DNAH6: variants seen among roughly 807,000 people sequenced by gnomAD.
DNAH6 encodes the protein axonemal beta dynein heavy chain 6.
A neutral mutation model predicts 491.4 loss-of-function variants in DNAH6; 340 were observed. The ratio of observed to expected loss-of-function variants is 0.69; its 90% confidence interval spans 0.63 to 0.76. The LOEUF (loss-of-function observed/expected upper bound fraction) is 0.76, where lower values mean the gene tolerates loss of function less well. Among genes scored for constraint, DNAH6 ranks in the 30% least tolerant of loss-of-function variants. The pLI, the probability that DNAH6 is intolerant of heterozygous loss-of-function variation, is 0.00. For synonymous variants in DNAH6, 1,603 were observed against 1,686.1 expected (o/e 0.95, Z 1.21); for missense variants, 4,443 against 4,972.2 (o/e 0.89, Z 3.20).
At chr2:84,560,894 A>C (rs527373823) in intron 11 of DNAH6, among the ~76,000 whole-genome samples, 5 of 151,678 alleles carry the variant, frequency 3.3e-5, no homozygotes, top group Non-Finnish European at 5.9e-5. Flanking sequence ...AGTCTTCGCT[A>C]TTGTGAATAG....
At chr2:84,489,210 C>A in the DNAH6 span, among the ~76,000 whole-genome samples, 3 of 151,986 alleles carry the variant, frequency 2.0e-5, no homozygotes, top group Non-Finnish European at 4.4e-5. Flanking sequence ...TCTTTAGGGT[C>A]AACATCTAAT....
rs973895613 is a variant in DNAH6 at position 84,624,477 on chromosome 2, G to A, written c.4210G>A (p.Glu1404Lys). The change falls in exon 28 of 77, where the codon GAA becomes AAA. Residue 1404 changes from glutamate to lysine, a missense_variant. Physicochemically the swap from Glu to Lys is moderately conservative, Grantham distance 56. Transcript: ENST00000389394. ...ELVQSKVETV[E>K]SFDWQRQLRY... ...ATATCACATATAGGTGGAGACAGTT[G>A]AATCTTTTGACTGGCAGAGACAACT... 12 of 1,551,686 alleles carry A rather than the reference G, an allele frequency of 7.7e-6. No homozygotes were observed. Among genetic ancestry groups the A allele is most frequent in the Non-Finnish European group, 9.6e-6 (11 of 1,146,978 alleles).
intron 63 of DNAH6, among the ~76,000 whole-genome samples, chr2:84,758,896 C>T (rs1674304904): frequency 1.3e-5 from 2 of 152,174 alleles, no homozygotes; most frequent in African/African-American, 4.8e-5. Context: ...CAAGGATGCC[C>T]ACTTTTACCA....
At chr2:84,538,849 A>C (rs1677966856) in intron 4 of DNAH6, among the ~76,000 whole-genome samples, 2 of 152,092 alleles carry the variant, frequency 1.3e-5, no homozygotes, top group Admixed American at 6.6e-5. Flanking sequence ...AAAATCTCAC[A>C]CTAAAGCTCT....
chr2:84,735,538 A>G (rs1946438), intron 62 of DNAH6, among the ~76,000 whole-genome samples: 20,801 of 152,152 alleles, frequency 0.14, 1,587 homozygotes, highest in African/African-American at 0.21. Flanking sequence ...TCTTTTCTCC[A>G]CAACCTTGCC....
In DNAH6 at chr2:84,762,676, A is replaced by G; in HGVS notation, c.10513-79A>G. 3 of 1,003,076 alleles carry G rather than the reference A, an allele frequency of 3.0e-6. No individual in the cohort carries two copies. The South Asian group carries it at 4.7e-5, about 16-fold the overall frequency. The allele number at this position is 1,003,076 out of a possible 1,614,324, so 62.1% of individuals were successfully genotyped here. ...CAAAAACACAGGACACCAACCTCTGAGGAGCTGAAGGAGAAAATTAGGATA... is the reference window on the plus strand; with the variant it reads ...CAAAAACACAGGACACCAACCTCTGGGGAGCTGAAGGAGAAAATTAGGATA... On this transcript the variant is annotated intron_variant, in intron 63 of 76. Transcript: ENST00000389394.
At chr2:84,810,198 A>G (rs868326563) in intron 72 of DNAH6, among the ~76,000 whole-genome samples, 2 of 152,144 alleles carry the variant, frequency 1.3e-5, no homozygotes, top group African/African-American at 4.8e-5. Context: ...CACTGTATTC[A>G]TTACATTTTT....
At chr2:84,518,809 C>G (rs940960091) in intron 2 of DNAH6, among the ~76,000 whole-genome samples, 1 of 152,116 alleles carries the variant, frequency 6.6e-6, no homozygotes, top group African/African-American at 2.4e-5. Context: ...CAAAAATGAA[C>G]AAAGCAGACA....
At chr2:84,687,441 A>G (rs981651148) in intron 44 of DNAH6, among the ~76,000 whole-genome samples, 1 of 152,218 alleles carries the variant, frequency 6.6e-6, no homozygotes, top group African/African-American at 2.4e-5. Context: ...TATTATATGT[A>G]GACAATACCT....
Position 84,621,004 on chromosome 2 carries a change from C to G in DNAH6, c.3793-187C>G, listed in dbSNP as rs142005484. ...TCAGGGAGTTGACTCCAAGTGGAAG[C>G]AGTAAAATAAAGCAATAGGTGGGGT... On this transcript the variant is annotated intron_variant, in intron 24 of 76. Transcript: ENST00000389394. 2.6e-5 allele frequency among the ~76,000 whole-genome samples: 4 copies of G among 152,058 alleles called. No individual in the cohort carries two copies. In the East Asian group the frequency reaches 7.7e-4, roughly 29 times the overall value.
At position 84,790,929 on chromosome 2, in the gene DNAH6, C is replaced by A. The variant is rs574687883; in HGVS notation, c.11239+3627C>A. On this transcript the variant is annotated intron_variant, in intron 68 of 76. Coordinates refer to ENST00000389394, the MANE Select transcript of DNAH6 (RefSeq NM_001370.2). ...ACACAAGGCCGGGCGCAGTGGCTCACGCCTGTAATCCCAGCACTTTGGGAG... is the reference window on the plus strand; with the variant it reads ...ACACAAGGCCGGGCGCAGTGGCTCAAGCCTGTAATCCCAGCACTTTGGGAG... 2.6e-5 allele frequency among the ~76,000 whole-genome samples: 4 copies of A among 152,136 alleles called. 1 individual carries two copies. In the South Asian group the frequency reaches 8.3e-4, roughly 31 times the overall value.
intron 40 of DNAH6, among the ~76,000 whole-genome samples, chr2:84,674,560 C>A (rs1162629138): frequency 6.6e-6 from 1 of 152,114 alleles, no homozygotes; most frequent in Non-Finnish European, 1.5e-5. Context: ...CCTTGGTCAC[C>A]AACACAGGGA....
intron 70 of DNAH6, 32 bp from the exon 71 acceptor site, chr2:84,805,633 C>G: frequency 6.7e-7 from 1 of 1,485,722 alleles, no homozygotes; most frequent in South Asian, 1.4e-5. Flanking sequence ...GAATTTGAGT[C>G]TTCACTGTTC....
intron 75 of DNAH6, 75 bp from the exon 76 acceptor site, chr2:84,815,786 G>C: frequency 9.9e-7 from 1 of 1,011,702 alleles, no homozygotes; most frequent in Non-Finnish European, 1.5e-6. Flanking sequence ...GTGAGGATGT[G>C]GGACATAGGA....
At chr2:84,732,028 CTG>C (rs1453513653) in intron 61 of DNAH6, among the ~76,000 whole-genome samples, 17 of 152,154 alleles carry the variant, frequency 1.1e-4, no homozygotes, top group Non-Finnish European at 2.5e-4. Context: ...CCCAGGGTAA[CTG>C]TGAGCATTCC....
At chr2:84,796,874 T>TA (rs1559052066) in intron 69 of DNAH6, among the ~76,000 whole-genome samples, 1 of 152,000 alleles carries the variant, frequency 6.6e-6, no homozygotes, top group Non-Finnish European at 1.5e-5. Context: ...TAAAAGTTTT[T>TA]AAAAAAATAA....
At chr2:84,530,237 T>C (rs1376144472) in intron 4 of DNAH6, among the ~76,000 whole-genome samples, 1 of 152,048 alleles carries the variant, frequency 6.6e-6, no homozygotes, top group Non-Finnish European at 1.5e-5. Flanking sequence ...GTGATAAGTA[T>C]TGGAGGAAAA....
intron 30 of DNAH6, among the ~76,000 whole-genome samples, chr2:84,636,582 G>A (rs1038664415): frequency 6.6e-6 from 1 of 152,126 alleles, no homozygotes. Flanking sequence ...CTCAACAAGT[G>A]TTTGCTGTTA....
At position 84,549,896 on chromosome 2, in the gene DNAH6, C is replaced by T. The variant is rs750887592; in HGVS notation, c.1324C>T (p.Arg442Cys). 37 of 1,583,406 alleles carry T rather than the reference C, an allele frequency of 2.3e-5. No homozygotes were observed. Among genetic ancestry groups the T allele is most frequent in the Non-Finnish European group, 2.6e-5 (30 of 1,164,520 alleles). Residue 442 changes from arginine to cysteine, a missense_variant, in exon 9 of 77, where the codon CGT (arginine) becomes TGT (cysteine). Coordinates refer to ENST00000389394, the MANE Select transcript of DNAH6 (RefSeq NM_001370.2). Reference protein sequence around the residue: ...HYCMRLTCFIRLNDYLIENTM... With the variant: ...HYCMRLTCFICLNDYLIENTM... ...GTTTTTTTTCTTTTCAAGCTTTATT[C>T]GTCTAAACGACTATCTAATTGAGAA... is the stretch of plus-strand genomic sequence containing the variant.
Sources: allele counts gnomAD v4.1 joint callset (sites outside exome capture counted in the v4.1 genomes callset), GRCh38; gene constraint gnomAD v4.1.1; transcripts MANE v1.5; gene names NCBI Gene and HGNC (gene_info 2026-07-23, HGNC 2026-07-21).